DNM1L: variants seen among roughly 807,000 people sequenced by gnomAD.
DNM1L encodes dynamin 1L.
Under a neutral mutation model 92.8 loss-of-function variants are expected in DNM1L, and 33 were observed. That is an observed-to-expected ratio of 0.36 (90% CI 0.27 to 0.48). The LOEUF is 0.48. Among genes scored for constraint, DNM1L ranks in the 20% least tolerant of loss-of-function variants. The probability of loss-of-function intolerance (pLI) is 0.99; values close to 1 mark genes in which losing one functional copy is unlikely to be tolerated. For missense variants in DNM1L, 485 were observed against 888.8 expected, an observed-to-expected ratio of 0.55 and a Z score of 5.78; for synonymous variants, 284 against 305.0, an observed-to-expected ratio of 0.93 and a Z score of 0.72.
chr12:32,733,508 A>T, intron 12 of DNM1L: 1 of 549,090 alleles, frequency 1.8e-6, no homozygotes. Context: ...GCAGTTTTAG[A>T]TGCTGAAATG....
At chr12:32,695,778 ATTAAG>A in intron 1 of DNM1L, among the ~76,000 whole-genome samples, 1 of 152,270 alleles carries the variant, frequency 6.6e-6, no homozygotes, top group East Asian at 1.9e-4. Context: ...TCTTGGATAA[ATTAAG>A]TGAATGAATG....
At chr12:32,685,522 C>T (rs891159206) in intron 1 of DNM1L, among the ~76,000 whole-genome samples, 7 of 151,912 alleles carry the variant, frequency 4.6e-5, no homozygotes, top group Non-Finnish European at 1.0e-4. Context: ...CACTACTGCC[C>T]GGCTACTTTT....
intron 1 of DNM1L, chr12:32,679,683 C>T (rs1951728948): frequency 8.0e-7 from 1 of 1,252,868 alleles, no homozygotes; most frequent in Non-Finnish European, 1.0e-6. Context: ...GGGGCCCGGC[C>T]AGGGGCGGAG....
At chr12:32,682,166 C>T (rs11052163) in intron 1 of DNM1L, among the ~76,000 whole-genome samples, 21,395 of 151,220 alleles carry the variant, frequency 0.14, 1,533 homozygotes, top group Middle Eastern at 0.19. Flanking sequence ...GAGTTTCGCT[C>T]TTGTTGCCCA....
intron 1 of DNM1L, among the ~76,000 whole-genome samples, chr12:32,685,049 C>T (rs947791663): frequency 1.3e-5 from 2 of 151,416 alleles, no homozygotes; most frequent in African/African-American, 4.9e-5. Flanking sequence ...ACGCCGTTCT[C>T]CTGCCTCAGC....
At position 32,692,288 on chromosome 12, in the gene DNM1L, C is replaced by T. The variant is rs10844301; in HGVS notation, c.103-9127C>T. Reference sequence around the variant, plus strand: ...AGTCCTGCTGGGATCTCAGGAATAGCGACAACATGTTAAAAGTTTTAGTTT... The same window carrying T: ...AGTCCTGCTGGGATCTCAGGAATAGTGACAACATGTTAAAAGTTTTAGTTT... On this transcript the variant is annotated intron_variant, in intron 1 of 19. Transcript: ENST00000549701. Among the ~76,000 whole-genome samples, 30 of 152,092 alleles carry T rather than the reference C, an allele frequency of 2.0e-4. No individual in the cohort carries two copies. In the East Asian group the frequency reaches 4.8e-3, roughly 24 times the overall value.
chr12:32,740,661 T>C, intron 18 of DNM1L, 143 bp downstream of exon 18: 1 of 718,508 alleles, frequency 1.4e-6, no homozygotes, highest in South Asian at 1.9e-5. Flanking sequence ...TTGGGTAACT[T>C]GTAGCAAGAC....
chr12:32,718,083 ATT>A (rs1196636009), intron 6 of DNM1L, among the ~76,000 whole-genome samples: 2 of 133,970 alleles, frequency 1.5e-5, no homozygotes, highest in African/African-American at 2.9e-5. Context: ...TACTATACAT[ATT>A]TTATATATAT....
At chr12:32,685,158 C>T (rs914892432) in intron 1 of DNM1L, among the ~76,000 whole-genome samples, 3 of 151,760 alleles carry the variant, frequency 2.0e-5, no homozygotes, top group African/African-American at 4.8e-5. Context: ...AGGATGGTCT[C>T]GATCTCCTCA....
At chr12:32,707,747 C>T (rs1256703121) in intron 3 of DNM1L, among the ~76,000 whole-genome samples, 1 of 151,860 alleles carries the variant, frequency 6.6e-6, no homozygotes, top group Non-Finnish European at 1.5e-5. Context: ...CCCAGGAGTT[C>T]GAGTCCAGCC....
At position 32,707,395 on chromosome 12, in the gene DNM1L, T is replaced by C. The variant is rs1345721642; in HGVS notation, c.279T>C (p.Phe93=). The change falls in exon 3 of 20, where the codon TTT becomes TTC. Residue 93 remains phenylalanine, a synonymous_variant. Coordinates refer to ENST00000549701, the MANE Select transcript of DNM1L (RefSeq NM_012062.5). The part of the protein sequence containing the change: ...NGVEAEEWGK[F]LHTKNKLYTD... ...TGGAAGCAGAAGAATGGGGTAAATT[T>C]CTTCACACCAAAAATAAGGTAATCA... 6.2e-7 allele frequency: 1 copy of C among 1,606,282 alleles called. No individual in the cohort carries two copies. The highest frequency in any genetic ancestry group is 1.3e-5 in the African/African-American group (1 of 74,630).
In DNM1L at chr12:32,707,404, C is replaced by G. The variant is rs570521342; in HGVS notation, c.288C>G (p.Thr96=). The G allele has an allele frequency of 1.3e-5, 21 of 1,598,600 alleles. No individual in the cohort carries two copies. In the East Asian group the frequency reaches 4.5e-4, roughly 34 times the overall value. The change falls in exon 3 of 20, where the codon ACC becomes ACG. Residue 96 remains threonine, a synonymous_variant. Transcript: ENST00000549701. The part of the protein sequence containing the change: ...EAEEWGKFLH[T]KNKLYTDFDE... Reference sequence around the variant, plus strand: ...AAGAATGGGGTAAATTTCTTCACACCAAAAATAAGGTAATCACACATGCAT... The same window carrying G: ...AAGAATGGGGTAAATTTCTTCACACGAAAAATAAGGTAATCACACATGCAT...
rs144769345 is a variant in DNM1L, at chr12:32,708,845, C to T, written c.369+621C>T. 2.6e-4 allele frequency among the ~76,000 whole-genome samples: 39 copies of T among 152,028 alleles called. No homozygotes were observed. The East Asian group carries it at 6.4e-3, about 25-fold the overall frequency. On this transcript the variant is annotated intron_variant, in intron 4 of 19. Coordinates refer to ENST00000549701, the MANE Select transcript of DNM1L (RefSeq NM_012062.5). ...TTGCCTGAATCCTGCTGTCTTCTGT[C>T]TTCTTTATTCCTATTATTTTTCTCT...
chr12:32,705,153 C>G (rs925016937), intron 2 of DNM1L, among the ~76,000 whole-genome samples: 3 of 151,958 alleles, frequency 2.0e-5, no homozygotes, highest in Non-Finnish European at 4.4e-5. Context: ...CAGGCGTGTG[C>G]CACTACGCCC....
intron 13 of DNM1L, 149 bp from the exon 14 acceptor site, chr12:32,736,956 T>A: frequency 1.3e-6 from 1 of 748,428 alleles, no homozygotes; most frequent in Non-Finnish European, 2.2e-6. Context: ...TCTTATTTAT[T>A]TTAAAATATG....
In DNM1L at chr12:32,701,559, A is replaced by G; in HGVS notation, c.247A>G (p.Asn83Asp). The G allele has an allele frequency of 6.2e-7, 1 of 1,613,276 alleles. No homozygotes were observed. The highest frequency in any genetic ancestry group is 8.5e-7 in the Non-Finnish European group (1 of 1,179,334). ...EDKRKTTGEE[N>D]GVEAEEWGKF... ...TAAACGGAAAACAACAGGAGAAGAA[A>G]ATGGTAAATTTCAGATTTGAGATAA... Residue 83 changes from asparagine to aspartate, a missense_variant, in exon 2 of 20, where the codon AAT becomes GAT. By Grantham distance (23) the Asn-to-Asp change is conservative. This residue lies in a region of DNM1L where 159 missense variants were observed against 275.9 expected (regional missense o/e 0.58). Coordinates refer to ENST00000549701, the MANE Select transcript of DNM1L (RefSeq NM_012062.5).
In DNM1L at chr12:32,708,460, A is replaced by G. The variant is rs535424886; in HGVS notation, c.369+236A>G. Among the ~76,000 whole-genome samples, 18 of 152,256 alleles carry G rather than the reference A, an allele frequency of 1.2e-4. No individual in the cohort carries two copies. In the East Asian group the frequency reaches 3.1e-3, roughly 26 times the overall value. On this transcript the variant is annotated intron_variant, in intron 4 of 19. Transcript: ENST00000549701. ...TTTCTTAAAGCTTTCATATAAATCAAATATTTTATTTAGATGTTTATTGTT... is the reference window on the plus strand; with the variant it reads ...TTTCTTAAAGCTTTCATATAAATCAGATATTTTATTTAGATGTTTATTGTT...
At chr12:32,727,699 C>T (rs1954244020) in intron 9 of DNM1L, among the ~76,000 whole-genome samples, 1 of 152,116 alleles carries the variant, frequency 6.6e-6, no homozygotes, top group South Asian at 2.1e-4. Context: ...TAACAAATAA[C>T]TTTCTGTCTC....
chr12:32,709,742 C>A (rs1225588417), intron 4 of DNM1L: 1 of 152,138 alleles, frequency 6.6e-6, no homozygotes, highest in Admixed American at 6.6e-5. Context: ...AGGTACTGGG[C>A]AGAGCTTTGT....
Sources: allele counts gnomAD v4.1 joint callset (sites outside exome capture counted in the v4.1 genomes callset), GRCh38; gene constraint gnomAD v4.1.1; regional missense constraint gnomAD v4.1.1; transcripts MANE v1.5; gene names NCBI Gene and HGNC (gene_info 2026-07-23, HGNC 2026-07-21).